SLC14A2: variants seen among roughly 807,000 people sequenced by gnomAD.
SLC14A2 encodes the protein urea transporter 2.
Under a neutral mutation model 104.6 loss-of-function variants are expected in SLC14A2, and 91 were observed. The observed-to-expected ratio is 0.87, with a 90% CI of 0.73 to 1.04. The LOEUF is 1.04. Among genes scored for constraint, SLC14A2 ranks in the 50% least tolerant of loss-of-function variants. SLC14A2 has a pLI of 0.00. For synonymous variants in SLC14A2, 476 were observed against 466.4 expected, an observed-to-expected ratio of 1.02 and a Z score of -0.27; for missense variants, 1,189 against 1,156.0, an observed-to-expected ratio of 1.03 and a Z score of -0.41.
chr18:45,415,174 G>A (rs886400782), intron 1 of SLC14A2, among the ~76,000 whole-genome samples: 2 of 152,148 alleles, frequency 1.3e-5, no homozygotes, highest in African/African-American at 4.8e-5. Context: ...TTGACCTTTC[G>A]TGCAGGTTGC....
At chr18:45,293,384 T>A (rs1297348840) in intron 1 of SLC14A2, among the ~76,000 whole-genome samples, 1 of 152,146 alleles carries the variant, frequency 6.6e-6, no homozygotes, top group Non-Finnish European at 1.5e-5. Context: ...GACACAACAC[T>A]TGTCTTCATG....
intron 2 of SLC14A2, among the ~76,000 whole-genome samples, chr18:45,580,858 T>A (rs868455164): frequency 3.9e-5 from 6 of 152,186 alleles, no homozygotes; most frequent in South Asian, 2.1e-4. Context: ...AACTTTAAGA[T>A]GAGAGAATCA....
chr18:45,443,041 C>T (rs892532986), intron 1 of SLC14A2, among the ~76,000 whole-genome samples: 7 of 152,168 alleles, frequency 4.6e-5, no homozygotes, highest in Non-Finnish European at 8.8e-5. Context: ...TTGGGAAAGT[C>T]TCCTTGCTCC....
chr18:45,564,639 A>G (rs951717076), intron 2 of SLC14A2, among the ~76,000 whole-genome samples: 9 of 152,216 alleles, frequency 5.9e-5, no homozygotes, highest in Admixed American at 6.5e-5. Flanking sequence ...CCAGGGGGAA[A>G]TATGCCAGGG....
intron 1 of SLC14A2, among the ~76,000 whole-genome samples, chr18:45,312,299 T>C (rs1441523386): frequency 1.3e-5 from 2 of 152,102 alleles, no homozygotes; most frequent in East Asian, 1.9e-4. Flanking sequence ...GTGAGCAATA[T>C]GAGAGACAAT....
At position 45,668,431 on chromosome 18, in the gene SLC14A2, T is replaced by A. The variant is rs1377354856; in HGVS notation, c.1990T>A (p.Tyr664Asn). The change falls in exon 15 of 20, where the codon TAC becomes AAC. Residue 664 changes from tyrosine (Y) to asparagine (N), a missense_variant. By Grantham distance (143) the Tyr-to-Asn change is moderately radical. Transcript: ENST00000255226. ...GGCCGTGTTCTCAGACAAAGGTGAC[T>A]ACTACTGGTGGCTGTTGCTACCCGT... Reference protein sequence around the residue: ...LMAVFSDKGDYYWWLLLPVII... With the variant: ...LMAVFSDKGDNYWWLLLPVII... The A allele has an allele frequency of 6.2e-7, 1 of 1,614,044 alleles. No homozygotes were observed. Among genetic ancestry groups the A allele is most frequent in the Admixed American group, 1.7e-5 (1 of 60,000 alleles).
At chr18:45,382,665 T>C (rs2085851771) in intron 1 of SLC14A2, among the ~76,000 whole-genome samples, 1 of 152,220 alleles carries the variant, frequency 6.6e-6, no homozygotes, top group South Asian at 2.1e-4. Context: ...AATAGCTGTA[T>C]CTTAGGCTGA....
At chr18:45,213,240 G>A (rs2083977179) in intron 1 of SLC14A2, 1 of 152,058 alleles carries the variant, frequency 6.6e-6, no homozygotes, top group Non-Finnish European at 1.5e-5. Context: ...GGATCTAGAA[G>A]GAAAACTCTG....
Position 45,553,437 on chromosome 18 carries a change from G to A in SLC14A2, c.-35+70115G>A, listed in dbSNP as rs148868427. On this transcript the variant is annotated intron_variant, in intron 2 of 20. Transcript: ENST00000586448. ...TTAATCAGCTTAAGTGGGCAATAGT[G>A]TTGATGGGTGAGGATGACAACTGAG... Among the ~76,000 whole-genome samples the A allele has an allele frequency of 4.5e-3, 681 of 152,302 alleles. 1 individual carries two copies. Among genetic ancestry groups the A allele is most frequent in the South Asian group, 0.012 (56 of 4,822 alleles).
chr18:45,391,921 T>C (rs999919760), intron 1 of SLC14A2, among the ~76,000 whole-genome samples: 4 of 152,254 alleles, frequency 2.6e-5, no homozygotes, highest in Admixed American at 1.3e-4. Flanking sequence ...GCAGAAGCTC[T>C]TTGGTTTAAT....
chr18:45,538,210 A>T (rs2043824543), intron 2 of SLC14A2, among the ~76,000 whole-genome samples: 1 of 152,180 alleles, frequency 6.6e-6, no homozygotes, highest in African/African-American at 2.4e-5. Flanking sequence ...CCCTGCTGGA[A>T]CCCAGCCAGG....
At chr18:45,589,171 C>A (rs1209572667) in intron 2 of SLC14A2, among the ~76,000 whole-genome samples, 5 of 152,132 alleles carry the variant, frequency 3.3e-5, no homozygotes, top group African/African-American at 1.2e-4. Context: ...GGAGTTCTTC[C>A]CATGTGCTTC....
intron 2 of SLC14A2, among the ~76,000 whole-genome samples, chr18:45,494,392 A>C (rs1390029144): frequency 2.0e-5 from 3 of 152,102 alleles, no homozygotes; most frequent in Non-Finnish European, 4.4e-5. Context: ...CCTTGTGATC[A>C]AGCCAAAACT....
At chr18:45,495,703 A>C (rs1315464645) in intron 2 of SLC14A2, among the ~76,000 whole-genome samples, 6 of 152,180 alleles carry the variant, frequency 3.9e-5, no homozygotes, top group Non-Finnish European at 8.8e-5. Flanking sequence ...ACTTATTGAT[A>C]ACTTGGCTCC....
At chr18:45,665,688 CTTTTTTTTTTTTTT>C (rs146248418) in intron 11 of SLC14A2, among the ~76,000 whole-genome samples, 2 of 79,294 alleles carry the variant, frequency 2.5e-5, no homozygotes, top group African/African-American at 5.5e-5. Flanking sequence ...AACCAAGTTT[CTTTTTTTTTTTTTT>C]TTTTTTTTTT....
Position 45,224,174 on chromosome 18 carries a change from C to A in SLC14A2, c.-125+10983C>A, listed in dbSNP as rs564016343. The stretch of plus-strand genomic sequence containing the variant: ...CGAGGGAGACCAAGAGGCTGCTGTG[C>A]AGTGTCCTAGAGCCCACTGCCATGG... On this transcript the variant is annotated intron_variant, in intron 1 of 20. Transcript: ENST00000586448. Among the ~76,000 whole-genome samples the A allele has an allele frequency of 1.1e-4, 17 of 152,310 alleles. No homozygotes were observed. In the East Asian group the frequency reaches 2.7e-3, roughly 24 times the overall value.
intron 16 of SLC14A2, among the ~76,000 whole-genome samples, chr18:45,671,802 T>C (rs1017592643): frequency 1.3e-5 from 2 of 152,146 alleles, no homozygotes; most frequent in Non-Finnish European, 2.9e-5. Flanking sequence ...CCTTAATCTA[T>C]ATACAGGGAC....
At chr18:45,536,144 G>A (rs2043778239) in intron 2 of SLC14A2, among the ~76,000 whole-genome samples, 1 of 152,214 alleles carries the variant, frequency 6.6e-6, no homozygotes, top group African/African-American at 2.4e-5. Context: ...CTATGTGAGA[G>A]AAAACAGTCT....
rs1295419039 is a variant in SLC14A2 at position 45,453,167 on chromosome 18, C to T, written c.-124-30066C>T. Among the ~76,000 whole-genome samples the T allele has an allele frequency of 2.0e-5, 3 of 152,196 alleles. 1 individual carries two copies. In the Middle Eastern group the frequency reaches 9.5e-3, roughly 482 times the overall value. ...TCAGACCCACCTACTCAGCTTCATTCTGCCTGGGAAGCCCAGCCCTCAAAT... is the reference window on the plus strand; with the variant it reads ...TCAGACCCACCTACTCAGCTTCATTTTGCCTGGGAAGCCCAGCCCTCAAAT... On this transcript the variant is annotated intron_variant, in intron 1 of 20. Coordinates refer to the SLC14A2 transcript ENST00000586448.
Sources: allele counts gnomAD v4.1 joint callset (sites outside exome capture counted in the v4.1 genomes callset), GRCh38; gene constraint gnomAD v4.1.1; transcripts MANE v1.5; gene names NCBI Gene and HGNC (gene_info 2026-07-23, HGNC 2026-07-21).